Variants in PTPRT observed in about 807,000 individuals in gnomAD.
The protein encoded by PTPRT is receptor-type tyrosine-protein phosphatase T.
A neutral mutation model predicts 176.8 loss-of-function variants in PTPRT; 56 were observed. That is an observed-to-expected ratio of 0.32 (90% CI 0.26 to 0.40). The LOEUF (loss-of-function observed/expected upper bound fraction) is 0.40, where lower values mean the gene tolerates loss of function less well. Ranked by LOEUF, PTPRT falls within the 10% of genes least tolerant of loss-of-function variation. The pLI is 1.00. For missense variants in PTPRT, 1,540 were observed against 1,908.2 expected (o/e 0.81, Z 3.60); for synonymous variants, 783 against 739.0 (o/e 1.06, Z -0.96).
intron 1 of PTPRT, among the ~76,000 whole-genome samples, chr20:43,162,912 T>A (rs1384572878): frequency 6.6e-6 from 1 of 152,114 alleles, no homozygotes; most frequent in African/African-American, 2.4e-5. Context: ...ACACCTACCA[T>A]CTCCGTATGG....
At chr20:42,917,739 T>C (rs960249441) in intron 1 of PTPRT, among the ~76,000 whole-genome samples, 2 of 152,150 alleles carry the variant, frequency 1.3e-5, no homozygotes, top group African/African-American at 4.8e-5. Flanking sequence ...GCCCCCATTT[T>C]ACTGATAAAA....
At chr20:42,621,011 C>T (rs926437271) in intron 7 of PTPRT, among the ~76,000 whole-genome samples, 1 of 152,086 alleles carries the variant, frequency 6.6e-6, no homozygotes, top group Non-Finnish European at 1.5e-5. Context: ...GAGACCCATT[C>T]ACTATCAGGA....
chr20:42,248,946 G>T lies in PTPRT; in HGVS notation c.2177-124C>A, dbSNP rs145912989. The stretch of plus-strand genomic sequence containing the variant: ...CTATGTGCCAGGCACTGTGCTAAGG[G>T]CATCACATACATTGTCCCATTTAAT... On this transcript the variant is annotated intron_variant, in intron 13 of 30. Coordinates refer to ENST00000373187, the MANE Select transcript of PTPRT (RefSeq NM_007050.6). The T allele has an allele frequency of 9.1e-3, 10,323 of 1,128,364 alleles. 73 individuals are homozygous for T. The highest frequency in any genetic ancestry group is 0.012 in the Non-Finnish European group (9,374 of 795,770). 69.9% of individuals were successfully genotyped at this position (1,128,364 alleles called of 1,614,324 possible). A position where few individuals can be genotyped will look rare whatever the true frequency, so the allele number is the denominator to read the frequency against.
chr20:42,274,892 C>T (rs1303680100), intron 13 of PTPRT, among the ~76,000 whole-genome samples: 1 of 152,166 alleles, frequency 6.6e-6, no homozygotes, highest in Non-Finnish European at 1.5e-5. Flanking sequence ...TCAATTATTA[C>T]TAGAAAAGAG....
At chr20:42,165,508 C>T (rs1488867552) in intron 16 of PTPRT, among the ~76,000 whole-genome samples, 2 of 152,188 alleles carry the variant, frequency 1.3e-5, no homozygotes, top group African/African-American at 2.4e-5. Flanking sequence ...AAGCATTAGG[C>T]ATTCATGATC....
intron 2 of PTPRT, among the ~76,000 whole-genome samples, chr20:42,802,938 G>A (rs906551071): frequency 1.2e-4 from 19 of 152,318 alleles, no homozygotes; most frequent in East Asian, 7.7e-4. Flanking sequence ...GGCTTGTTAC[G>A]TGAATTAAAT....
chr20:43,105,175 C>T (rs2012551558), intron 1 of PTPRT, among the ~76,000 whole-genome samples: 1 of 152,084 alleles, frequency 6.6e-6, no homozygotes, highest in South Asian at 2.1e-4. Flanking sequence ...ACTAGAAACG[C>T]AAATTTTCAG....
intron 1 of PTPRT, among the ~76,000 whole-genome samples, chr20:43,122,479 T>C (rs2013298830): frequency 1.3e-5 from 2 of 152,168 alleles, no homozygotes; most frequent in South Asian, 4.1e-4. Flanking sequence ...CTTCCAAATC[T>C]CATGTTGAAA....
chr20:42,616,369 T>C lies in PTPRT; in HGVS notation c.1153+61497A>G, dbSNP rs920811562. Among the ~76,000 whole-genome samples the C allele has an allele frequency of 5.0e-5, 6 of 120,648 alleles. 1 individual carries two copies. The highest frequency in any genetic ancestry group is 7.7e-5 in the African/African-American group (2 of 26,018). The allele number at this position is 120,648 out of a possible 152,430, so 79.1% of individuals were successfully genotyped here. A position where few individuals can be genotyped will look rare whatever the true frequency, so the allele number is the denominator to read the frequency against. On this transcript the variant is annotated intron_variant, in intron 7 of 30. Transcript: ENST00000373187. ...TGTAGTATAGTTTGAAGTCAGGTAG[T>C]GTGATGCCTCCAGCTTTGTTCTTTT...
chr20:42,373,542 A>T (rs2058614551), intron 9 of PTPRT, among the ~76,000 whole-genome samples: 1 of 152,186 alleles, frequency 6.6e-6, no homozygotes, highest in Non-Finnish European at 1.5e-5. Flanking sequence ...ACAGCCTTTG[A>T]TGCTAGCAGT....
At chr20:42,311,791 T>G (rs1332399907) in intron 12 of PTPRT, among the ~76,000 whole-genome samples, 1 of 152,164 alleles carries the variant, frequency 6.6e-6, no homozygotes, top group East Asian at 1.9e-4. Context: ...TTTTCTTCAT[T>G]TTTCTTCGTT....
At position 42,257,197 on chromosome 20, in the gene PTPRT, G is replaced by A. The variant is rs2056657035; in HGVS notation, c.2177-8375C>T. Among the ~76,000 whole-genome samples, 2 of 152,160 alleles carry A rather than the reference G, an allele frequency of 1.3e-5. 1 individual carries two copies. The highest frequency in any genetic ancestry group is 4.1e-4 in the South Asian group (2 of 4,826). On this transcript the variant is annotated intron_variant, in intron 13 of 30. Coordinates refer to ENST00000373187, the MANE Select transcript of PTPRT (RefSeq NM_007050.6). ...TGTGGGCTTGTAAGTCAGGGAGAATGTCCAGAACTGCAGCTTGATTTTAGC... is the reference window on the plus strand; with the variant it reads ...TGTGGGCTTGTAAGTCAGGGAGAATATCCAGAACTGCAGCTTGATTTTAGC...
intron 1 of PTPRT, among the ~76,000 whole-genome samples, chr20:43,117,261 G>A (rs561551565): frequency 4.7e-4 from 71 of 152,292 alleles, no homozygotes; most frequent in Non-Finnish European, 5.6e-4. Flanking sequence ...GTGGATAAAG[G>A]GAGGGGTGAA....
At chr20:42,800,557 A>G (rs1353674723) in intron 2 of PTPRT, among the ~76,000 whole-genome samples, 1 of 152,172 alleles carries the variant, frequency 6.6e-6, no homozygotes, top group East Asian at 1.9e-4. Context: ...ACTAAAATAT[A>G]TATATTTTTA....
intron 2 of PTPRT, among the ~76,000 whole-genome samples, chr20:42,859,330 C>T (rs2078618820): frequency 6.6e-6 from 1 of 152,104 alleles, no homozygotes; most frequent in Non-Finnish European, 1.5e-5. Flanking sequence ...TTCATGAAGT[C>T]ATGAAGACAT....
At chr20:42,729,895 C>T (rs1427601281) in intron 6 of PTPRT, among the ~76,000 whole-genome samples, 4 of 152,124 alleles carry the variant, frequency 2.6e-5, no homozygotes. Flanking sequence ...CCTGGACTTC[C>T]CTTGGCCAGG....
chr20:42,154,783 C>T (rs1409693293), intron 17 of PTPRT, among the ~76,000 whole-genome samples: 1 of 152,198 alleles, frequency 6.6e-6, no homozygotes. Context: ...CTCGGCTCTC[C>T]AGCCCACATC....
At chr20:42,748,178 CT>C (rs1439376023) in intron 6 of PTPRT, among the ~76,000 whole-genome samples, 4 of 152,164 alleles carry the variant, frequency 2.6e-5, no homozygotes, top group Non-Finnish European at 5.9e-5. Flanking sequence ...AAAGCTGAAA[CT>C]ATTGACTCTA....
intron 1 of PTPRT, among the ~76,000 whole-genome samples, chr20:43,053,021 A>G (rs777232011): frequency 7.2e-5 from 11 of 151,894 alleles, no homozygotes; most frequent in Admixed American, 3.9e-4. Context: ...AAAGGTGGAT[A>G]TGGCATATCC....
Sources: gnomAD v4.1 joint callset for allele counts (sites outside exome capture counted in the v4.1 genomes callset) on GRCh38, gnomAD v4.1.1 for gene constraint, MANE v1.5 for transcripts, NCBI Gene and HGNC (gene_info 2026-07-23, HGNC 2026-07-21) for gene names.